CSMD1: variants seen among roughly 807,000 people sequenced by gnomAD.
CSMD1 encodes CUB and sushi domain-containing protein 1.
In CSMD1, 213 loss-of-function variants were observed where a neutral mutation model predicts 417.5. The observed-to-expected ratio is 0.51, with a 90% CI of 0.46 to 0.57. The LOEUF is 0.57. CSMD1 is among the 20% of genes least tolerant of loss of function. The probability of loss-of-function intolerance (pLI) is 0.00; values close to 1 mark genes in which losing one functional copy is unlikely to be tolerated. For synonymous variants in CSMD1, 2,862 were observed against 1,736.8 expected (o/e 1.65, Z -16.11); for missense variants, 6,923 against 4,529.7 (o/e 1.53, Z -15.17).
intron 1 of CSMD1, among the ~76,000 whole-genome samples, chr8:4,966,156 G>A (rs1234062210): frequency 1.4e-5 from 2 of 147,378 alleles, no homozygotes; most frequent in African/African-American, 2.6e-5. Flanking sequence ...CTGAGGTAAG[G>A]AGTTCCAGAC....
intron 7 of CSMD1, among the ~76,000 whole-genome samples, chr8:3,620,700 T>A (rs1277114397): frequency 2.0e-5 from 3 of 152,014 alleles, no homozygotes; most frequent in Non-Finnish European, 4.4e-5. Flanking sequence ...AACGTGACAC[T>A]ACAAAAATAT....
At chr8:4,419,268 C>G (rs1238057) in intron 3 of CSMD1, among the ~76,000 whole-genome samples, 136,441 of 152,222 alleles carry the variant, frequency 0.9, 61,371 homozygotes, top group Middle Eastern at 0.96. Flanking sequence ...AAATCTCCAT[C>G]CAAAACAAAA....
chr8:3,159,492 G>A (rs1428755511), intron 38 of CSMD1, among the ~76,000 whole-genome samples: 2 of 152,204 alleles, frequency 1.3e-5, no homozygotes, highest in African/African-American at 4.8e-5. Context: ...CTAGGCATAT[G>A]TATTTATAGA....
At chr8:3,199,359 G>T (rs1796868918) in intron 33 of CSMD1, among the ~76,000 whole-genome samples, 1 of 151,772 alleles carries the variant, frequency 6.6e-6, no homozygotes, top group Non-Finnish European at 1.5e-5. Context: ...TTCCTATATT[G>T]TTACTAAGAT....
chr8:3,206,398 T>TG (rs934348159), intron 30 of CSMD1, among the ~76,000 whole-genome samples: 8 of 107,552 alleles, frequency 7.4e-5, no homozygotes, highest in African/African-American at 2.2e-4. Context: ...TATGTGTGTG[T>TG]GGGGGGTTAT....
chr8:4,023,065 G>T (rs1231005153), intron 4 of CSMD1, among the ~76,000 whole-genome samples: 2 of 152,106 alleles, frequency 1.3e-5, no homozygotes, highest in African/African-American at 2.4e-5. Context: ...GGCTCTCTTT[G>T]CAGTGAAATA....
intron 5 of CSMD1, among the ~76,000 whole-genome samples, chr8:3,850,286 TC>T (rs1279531979): frequency 6.6e-6 from 1 of 152,220 alleles, no homozygotes; most frequent in Non-Finnish European, 1.5e-5. Flanking sequence ...TGCACAGTGT[TC>T]TCTATTTTGG....
chr8:4,719,929 G>C (rs1214153750), intron 1 of CSMD1, among the ~76,000 whole-genome samples: 1 of 151,998 alleles, frequency 6.6e-6, no homozygotes, highest in Non-Finnish European at 1.5e-5. Flanking sequence ...TTTAACAGTT[G>C]TTGATAGCTA....
chr8:3,175,253 C>T (rs562643813), intron 37 of CSMD1, among the ~76,000 whole-genome samples: 4 of 152,214 alleles, frequency 2.6e-5, no homozygotes, highest in South Asian at 2.1e-4. Flanking sequence ...AAAGAAATAG[C>T]GTCAATTCAA....
chr8:3,708,091 G>T lies in CSMD1; in HGVS notation c.1009+323C>A, dbSNP rs111885776. 6.4e-3 allele frequency among the ~76,000 whole-genome samples: 969 copies of T among 152,260 alleles called. 9 individuals are homozygous for T. Among genetic ancestry groups the T allele is most frequent in the African/African-American group, 0.022 (911 of 41,538 alleles). ...AGATCAGTCTGGTCTGGTGTGTGTG[G>T]GGTGTGCAAGGACGGAGAGAGACTG... On this transcript the variant is annotated intron_variant, in intron 7 of 69. Transcript: ENST00000635120.
intron 3 of CSMD1, among the ~76,000 whole-genome samples, chr8:4,057,370 T>C (rs1332372667): frequency 1.3e-5 from 2 of 150,570 alleles, no homozygotes; most frequent in Admixed American, 1.4e-4. Context: ...GCCTACTTTT[T>C]GATGGGGTTA....
intron 49 of CSMD1, among the ~76,000 whole-genome samples, chr8:3,075,071 C>T (rs1813558093): frequency 6.6e-6 from 1 of 152,006 alleles, no homozygotes; most frequent in Admixed American, 6.5e-5. Context: ...AACACCTCCC[C>T]TCTCACTCTC....
chr8:3,105,666 C>T (rs1226647724), intron 46 of CSMD1, among the ~76,000 whole-genome samples: 1 of 152,162 alleles, frequency 6.6e-6, no homozygotes, highest in Non-Finnish European at 1.5e-5. Context: ...GTGAGAAAAA[C>T]TTGAGATGTG....
At chr8:3,797,555 C>G (rs1464185343) in intron 5 of CSMD1, among the ~76,000 whole-genome samples, 2 of 151,798 alleles carry the variant, frequency 1.3e-5, no homozygotes, top group East Asian at 3.9e-4. Context: ...TGGATTCTGT[C>G]TCACAATATA....
rs146016177 is a variant in CSMD1 at position 4,001,151 on chromosome 8, C to T, written c.611-3041G>A. Among the ~76,000 whole-genome samples, 9 of 152,132 alleles carry T rather than the reference C, an allele frequency of 5.9e-5. No individual in the cohort carries two copies. The East Asian group carries it at 1.5e-3, about 26-fold the overall frequency. On this transcript the variant is annotated intron_variant, in intron 4 of 69. Coordinates refer to ENST00000635120, the MANE Select transcript of CSMD1 (RefSeq NM_033225.6). Reference sequence around the variant, plus strand: ...ATTATTTAAAAAGCTTTGAAATAGTCGTATTTATGTGCATGGTATAGAATA... The same window carrying T: ...ATTATTTAAAAAGCTTTGAAATAGTTGTATTTATGTGCATGGTATAGAATA...
rs148833449 is a variant in CSMD1, at chr8:4,904,511, T to G, written c.85+89821A>C. Among the ~76,000 whole-genome samples, 972 of 152,276 alleles carry G rather than the reference T, an allele frequency of 6.4e-3. 14 individuals carry two copies. Among genetic ancestry groups the G allele is most frequent in the African/African-American group, 0.022 (923 of 41,552 alleles). On this transcript the variant is annotated intron_variant, in intron 1 of 69. Transcript: ENST00000635120. The stretch of plus-strand genomic sequence containing the variant: ...TCAATCGTCCTGACTCAGAGCCTAC[T>G]ACCCTTTCCAGGTCCTACACTGCCC...
At chr8:4,784,304 C>A (rs1797296595) in intron 1 of CSMD1, among the ~76,000 whole-genome samples, 1 of 152,200 alleles carries the variant, frequency 6.6e-6, no homozygotes, top group South Asian at 2.1e-4. Flanking sequence ...ATTTGGCTCC[C>A]AACTCAAATA....
In CSMD1 at chr8:4,209,368, A is replaced by G. The variant is rs542776958; in HGVS notation, c.416-177269T>C. Among the ~76,000 whole-genome samples the G allele has an allele frequency of 2.0e-5, 3 of 152,256 alleles. No individual in the cohort carries two copies. The South Asian group carries it at 6.2e-4, about 32-fold the overall frequency. On this transcript the variant is annotated intron_variant, in intron 3 of 69. Transcript: ENST00000635120. ...AGAAAGAATTCCAAAGGACACATAG[A>G]TTCCCATCCTTCTGATGCCGAAGAC...
intron 1 of CSMD1, among the ~76,000 whole-genome samples, chr8:4,739,439 A>T (rs1447851703): frequency 6.6e-6 from 1 of 152,232 alleles, no homozygotes; most frequent in Admixed American, 6.5e-5. Context: ...CAATATAAAG[A>T]GAAAAGGTCA....
Sources: allele counts gnomAD v4.1 joint callset (sites outside exome capture counted in the v4.1 genomes callset), GRCh38; gene constraint gnomAD v4.1.1; transcripts MANE v1.5; gene names NCBI Gene and HGNC (gene_info 2026-07-23, HGNC 2026-07-21).